SGTB: variants seen among roughly 807,000 people sequenced by gnomAD.
SGTB encodes the protein small glutamine-rich tetratricopeptide repeat-containing protein beta.
A neutral mutation model predicts 43.9 loss-of-function variants in SGTB; 19 were observed. That is an observed-to-expected ratio of 0.43 (90% CI 0.30 to 0.63). The LOEUF is 0.63. SGTB is among the 30% of genes least tolerant of loss of function. The pLI is 0.12. For missense variants in SGTB, 304 were observed against 358.9 expected (o/e 0.85, Z 1.24); for synonymous variants, 116 against 117.3 (o/e 0.99, Z 0.07).
chr5:65,684,862 C>T (rs1757469397), intron 6 of SGTB, among the ~76,000 whole-genome samples: 1 of 152,102 alleles, frequency 6.6e-6, no homozygotes, highest in South Asian at 2.1e-4. Flanking sequence ...CAGAATGCTT[C>T]CATTTTAACA....
chr5:65,670,982 A>G (rs1333492708), intron 10 of SGTB, among the ~76,000 whole-genome samples: 1 of 152,202 alleles, frequency 6.6e-6, no homozygotes, highest in Non-Finnish European at 1.5e-5. Flanking sequence ...CCAATTTGAT[A>G]TAAGTGAAGG....
chr5:65,722,221 C>G (rs1758317438), upstream of SGTB: 1 of 406,734 alleles, frequency 2.5e-6, no homozygotes, highest in Admixed American at 4.8e-5. Flanking sequence ...CGGCGTGGAG[C>G]TGCCGCACGT....
At chr5:65,687,519 GT>G (rs2150709686) in intron 5 of SGTB, among the ~76,000 whole-genome samples, 1 of 152,284 alleles carries the variant, frequency 6.6e-6, no homozygotes, top group African/African-American at 2.4e-5. Context: ...CAAAAACTTT[GT>G]GTCACAATAA....
intron 2 of SGTB, among the ~76,000 whole-genome samples, chr5:65,720,212 GC>G (rs1163009535): frequency 6.6e-6 from 1 of 151,400 alleles, no homozygotes; most frequent in African/African-American, 2.4e-5. Context: ...CTCCTGAGTA[GC>G]TGGGACTACA....
chr5:65,711,120 G>A (rs997504639), intron 3 of SGTB, among the ~76,000 whole-genome samples: 7 of 151,842 alleles, frequency 4.6e-5, no homozygotes, highest in East Asian at 1.9e-4. Flanking sequence ...AGCTGAGATC[G>A]CACCACTGCA....
chr5:65,708,438 C>G (rs772614017), intron 4 of SGTB, 51 bp downstream of exon 4: 1 of 1,505,544 alleles, frequency 6.6e-7, no homozygotes, highest in Admixed American at 1.8e-5. Flanking sequence ...GTAATTTCCT[C>G]CAGTTTCAGA....
At chr5:65,720,861 G>A in intron 1 of SGTB, 32 bp from the exon 2 acceptor site, 1 of 1,591,846 alleles carries the variant, frequency 6.3e-7, no homozygotes, top group South Asian at 1.1e-5. Context: ...ACTGAACTAA[G>A]TTATTTTAAA....
chr5:65,693,306 C>A lies in SGTB; in HGVS notation c.375-7834G>T, dbSNP rs112187852. On this transcript the variant is annotated intron_variant, in intron 5 of 10. Transcript: ENST00000381007. The stretch of plus-strand genomic sequence containing the variant: ...GAGAGCAAGGAAGGAAGGGATGAAT[C>A]AAGAAGGAAAGAGAGAAAGAAAGAG... Among the ~76,000 whole-genome samples, 512 of 124,738 alleles carry A rather than the reference C, an allele frequency of 4.1e-3. 3 individuals carry two copies. Among genetic ancestry groups the A allele is most frequent in the African/African-American group, 0.015 (490 of 32,454 alleles). 81.8% of individuals were successfully genotyped at this position (124,738 alleles called of 152,430 possible).
At chr5:65,718,290 C>T (rs1758188814) in intron 2 of SGTB, among the ~76,000 whole-genome samples, 1 of 152,160 alleles carries the variant, frequency 6.6e-6, no homozygotes, top group Non-Finnish European at 1.5e-5. Flanking sequence ...ATACCAGCCA[C>T]CCGCCTCACC....
chr5:65,722,987 T>A (rs942329897), upstream of SGTB: 1 of 152,528 alleles, frequency 6.6e-6, no homozygotes, highest in Non-Finnish European at 1.5e-5. Flanking sequence ...GAGAAAATGA[T>A]CGCTTGGACA....
At chr5:65,708,428 G>C in intron 4 of SGTB, 61 bp downstream of exon 4, 2 of 1,421,144 alleles carry the variant, frequency 1.4e-6, no homozygotes, top group South Asian at 2.4e-5. Flanking sequence ...TCAATTGACA[G>C]TAATTTCCTC....
intron 5 of SGTB, among the ~76,000 whole-genome samples, chr5:65,695,830 G>T (rs1420666537): frequency 6.6e-6 from 1 of 152,036 alleles, no homozygotes; most frequent in African/African-American, 2.4e-5. Flanking sequence ...TGGGGACTTT[G>T]TACATATTAT....
Position 65,666,260 on chromosome 5 carries a change from C to G in SGTB, c.*3986G>C, listed in dbSNP as rs1757035384. The G allele has an allele frequency of 6.6e-6, 1 of 152,082 alleles. No individual in the cohort carries two copies. Among genetic ancestry groups the G allele is most frequent in the Non-Finnish European group, 1.5e-5 (1 of 67,972 alleles). 9.4% of individuals were successfully genotyped at this position (152,082 alleles called of 1,614,324 possible). ...CTGCTCTATATTTTAATTATAGTCT[C>G]TTCTGTTTATAAACAATAACTTACA... is the stretch of plus-strand genomic sequence containing the variant. On this transcript the variant is annotated 3_prime_UTR_variant, in exon 11 of 11. Coordinates refer to ENST00000381007, the MANE Select transcript of SGTB (RefSeq NM_019072.3).
intron 4 of SGTB, among the ~76,000 whole-genome samples, chr5:65,707,076 C>A (rs1757946241): frequency 6.6e-6 from 1 of 150,990 alleles, no homozygotes; most frequent in African/African-American, 2.4e-5. Flanking sequence ...GCCTGGCCAA[C>A]ATGGTGAAAC....
At position 65,672,264 on chromosome 5, in the gene SGTB, C is replaced by G; in HGVS notation, c.699G>C (p.Gln233His). ...AFISMAASLM[Q>H]NPQVQQLMSG... ...CTTACAGCTGTTGAACTTGAGGGTT[C>G]TGCATTAAACTTGCCGCCTGGAATT... The change falls in exon 9 of 11, where the codon CAG becomes CAC. Residue 233 changes from glutamine (Q) to histidine (H), a missense_variant. Coordinates refer to ENST00000381007, the MANE Select transcript of SGTB (RefSeq NM_019072.3). The G allele has an allele frequency of 6.2e-7, 1 of 1,614,048 alleles. No individual in the cohort carries two copies. The highest frequency in any genetic ancestry group is 8.5e-7 in the Non-Finnish European group (1 of 1,180,002).
At chr5:65,708,633 A>C (rs1320557527) in intron 3 of SGTB, 75 bp from the exon 4 acceptor site, 2 of 1,121,874 alleles carry the variant, frequency 1.8e-6, no homozygotes, top group African/African-American at 3.2e-5. Context: ...TAAATAAATA[A>C]TAAATTACCC....
At chr5:65,714,799 A>G (rs1313824251) in intron 2 of SGTB, among the ~76,000 whole-genome samples, 2 of 152,250 alleles carry the variant, frequency 1.3e-5, no homozygotes, top group Non-Finnish European at 2.9e-5. Context: ...TGGGCGACAG[A>G]GCGAGACTCT....
intron 5 of SGTB, among the ~76,000 whole-genome samples, chr5:65,695,860 T>C (rs1406781269): frequency 6.6e-6 from 1 of 152,172 alleles, no homozygotes; most frequent in Non-Finnish European, 1.5e-5. Flanking sequence ...CAACTACCCT[T>C]TGAAGTGGAT....
intron 6 of SGTB, 126 bp downstream of exon 6, chr5:65,685,241 TA>T (rs1304008936): frequency 1.4e-6 from 1 of 723,838 alleles, no homozygotes; most frequent in Non-Finnish European, 2.3e-6. Flanking sequence ...TTTCCTCCCT[TA>T]TGTTTTATTT....
Sources: gnomAD v4.1 joint callset for allele counts (sites outside exome capture counted in the v4.1 genomes callset) on GRCh38, gnomAD v4.1.1 for gene constraint, MANE v1.5 for transcripts, NCBI Gene and HGNC (gene_info 2026-07-23, HGNC 2026-07-21) for gene names.